TNRC6A: variants seen among roughly 807,000 people sequenced by gnomAD.
The protein encoded by TNRC6A is trinucleotide repeat containing adaptor 6A, also known as trinucleotide repeat-containing gene 6A protein.
A neutral mutation model predicts 221.2 loss-of-function variants in TNRC6A; 44 were observed. That is an observed-to-expected ratio of 0.20 (90% CI 0.16 to 0.26). The LOEUF is 0.26. TNRC6A is among the 10% of genes least tolerant of loss of function. TNRC6A has a pLI of 1.00. For missense variants in TNRC6A, 2,199 were observed against 2,404.4 expected (o/e 0.91, Z 1.79); for synonymous variants, 847 against 838.5 (o/e 1.01, Z -0.18).
chr16:24,742,447 G>A (rs1377641374), intron 2 of TNRC6A, among the ~76,000 whole-genome samples: 1 of 152,162 alleles, frequency 6.6e-6, no homozygotes, highest in Admixed American at 6.5e-5. Flanking sequence ...ATAAGAGTAA[G>A]AATTAAAAGA....
intron 5 of TNRC6A, among the ~76,000 whole-genome samples, chr16:24,779,722 G>A (rs1447183256): frequency 2.0e-5 from 3 of 152,146 alleles, no homozygotes; most frequent in South Asian, 2.1e-4. Context: ...TATAAACAGC[G>A]TGCACAGTAG....
chr16:24,658,912 G>A (rs2054972283), intron 2 of TNRC6A, among the ~76,000 whole-genome samples: 2 of 151,324 alleles, frequency 1.3e-5, no homozygotes, highest in African/African-American at 2.4e-5. Context: ...TTACTCAAGC[G>A]ATCCTCCCAC....
chr16:24,755,809 A>T (rs1284961757), intron 3 of TNRC6A, among the ~76,000 whole-genome samples: 1 of 152,056 alleles, frequency 6.6e-6, no homozygotes, highest in Non-Finnish European at 1.5e-5. Flanking sequence ...TTTTTTTTTT[A>T]AAGAATAATG....
intron 2 of TNRC6A, among the ~76,000 whole-genome samples, chr16:24,747,291 G>T (rs924829085): frequency 1.3e-5 from 2 of 152,242 alleles, no homozygotes; most frequent in Admixed American, 6.5e-5. Context: ...TCCCTCAGTG[G>T]CATTGACTTT....
intron 1 of TNRC6A, among the ~76,000 whole-genome samples, chr16:24,613,613 C>T (rs540330386): frequency 2.6e-5 from 4 of 151,778 alleles, no homozygotes; most frequent in East Asian, 1.9e-4. Context: ...CTGCAACCTC[C>T]GCCTCCCAGG....
chr16:24,781,189 G>C (rs577157299), intron 5 of TNRC6A, among the ~76,000 whole-genome samples: 1 of 151,696 alleles, frequency 6.6e-6, no homozygotes, highest in South Asian at 2.1e-4. Context: ...TCCCTGAGTA[G>C]CTGGGACTAC....
At chr16:24,655,427 G>A (rs2054889670) in intron 2 of TNRC6A, among the ~76,000 whole-genome samples, 1 of 152,190 alleles carries the variant, frequency 6.6e-6, no homozygotes, top group South Asian at 2.1e-4. Flanking sequence ...GGTGGCTCAT[G>A]CCTGTAATCC....
At chr16:24,693,033 C>A (rs2055786824) in intron 2 of TNRC6A, among the ~76,000 whole-genome samples, 1 of 152,060 alleles carries the variant, frequency 6.6e-6, no homozygotes, top group South Asian at 2.1e-4. Context: ...ATTTAATAAG[C>A]CGAATAATCC....
At chr16:24,819,347 TGTA>T in intron 21 of TNRC6A, among the ~76,000 whole-genome samples, 1 of 152,172 alleles carries the variant, frequency 6.6e-6, no homozygotes, top group Non-Finnish European at 1.5e-5. Context: ...TGGTTTACTG[TGTA>T]CCTGGTCCCT....
At chr16:24,723,069 C>T (rs1244648418) in intron 2 of TNRC6A, among the ~76,000 whole-genome samples, 1 of 152,094 alleles carries the variant, frequency 6.6e-6, no homozygotes, top group Non-Finnish European at 1.5e-5. Context: ...GACATGTCAG[C>T]CTGAAATACC....
chr16:24,729,895 G>A (rs1388914070), intron 1 of TNRC6A, 49 bp downstream of exon 1: 2 of 1,221,826 alleles, frequency 1.6e-6, no homozygotes, highest in African/African-American at 1.6e-5. Context: ...CGCGGGCGCT[G>A]CCGCAGGGCC....
intron 2 of TNRC6A, among the ~76,000 whole-genome samples, chr16:24,641,309 C>T (rs181858434): frequency 3.7e-3 from 563 of 152,272 alleles, no homozygotes; most frequent in Non-Finnish European, 6.6e-3. Flanking sequence ...TTCTGCGACC[C>T]ATGCTCTTTC....
chr16:24,821,975 A>G (rs2058774372), intron 22 of TNRC6A, 102 bp from the exon 23 acceptor site: 6 of 1,097,192 alleles, frequency 5.5e-6, no homozygotes, highest in South Asian at 2.6e-5. Flanking sequence ...GTAGAAGTGC[A>G]AGGAAGTGAA....
At chr16:24,705,552 G>A (rs925419235) in intron 2 of TNRC6A, among the ~76,000 whole-genome samples, 16 of 152,118 alleles carry the variant, frequency 1.1e-4, no homozygotes, top group Admixed American at 9.2e-4. Flanking sequence ...GGCTGGTCTC[G>A]AACTCCTGAC....
chr16:24,755,770 G>T (rs1211998313), intron 3 of TNRC6A, among the ~76,000 whole-genome samples: 3 of 152,196 alleles, frequency 2.0e-5, no homozygotes, highest in Non-Finnish European at 4.4e-5. Context: ...AGGCAGTTGT[G>T]ATCATTGCTG....
chr16:24,790,160 C>T lies in TNRC6A; in HGVS notation c.1518C>T (p.His506=). The change falls in exon 6 of 25, where the codon CAC becomes CAT. Residue 506 remains histidine, a synonymous_variant. Transcript: ENST00000395799. ...GTATGAATGGCACTTCCCTTTCTCACCTTAGCAATGGAGAGTCAAAAAGTG... is the reference window on the plus strand; with the variant it reads ...GTATGAATGGCACTTCCCTTTCTCATCTTAGCAATGGAGAGTCAAAAAGTG... The part of the protein sequence containing the change: ...PSGMNGTSLS[H]LSNGESKSGG... 1 of 1,614,202 alleles carries T rather than the reference C, an allele frequency of 6.2e-7. No individual in the cohort carries two copies. The highest frequency in any genetic ancestry group is 8.5e-7 in the Non-Finnish European group (1 of 1,180,030).
chr16:24,777,197 A>G lies in TNRC6A; in HGVS notation c.428A>G (p.Gln143Arg). 6.2e-7 allele frequency: 1 copy of G among 1,614,202 alleles called. No individual in the cohort carries two copies. The highest frequency in any genetic ancestry group is 1.1e-5 in the South Asian group (1 of 91,080). ...PREVPPRFRH[Q>R]EHKQLLKRGQ... ...GAAGTACCTCCACGATTTCGCCACC[A>G]GGAACACAAACAGCTTCTAAAGAGG... The change falls in exon 5 of 25, where the codon CAG (glutamine) becomes CGG (arginine). Residue 143 changes from glutamine (Q) to arginine (R), a missense_variant. Gln to Arg is a conservative substitution (Grantham distance 43). This residue lies in a region of TNRC6A where 1,405 missense variants were observed against 1,400.2 expected (regional missense o/e 1.00). Coordinates refer to ENST00000395799, the MANE Select transcript of TNRC6A (RefSeq NM_014494.4).
chr16:24,741,959 C>T (rs1359519081), intron 2 of TNRC6A, among the ~76,000 whole-genome samples: 1 of 152,098 alleles, frequency 6.6e-6, no homozygotes, highest in Non-Finnish European at 1.5e-5. Flanking sequence ...GCTTCAGCCT[C>T]CTGAGGAGCT....
chr16:24,658,993 G>C (rs1015982402), intron 2 of TNRC6A, among the ~76,000 whole-genome samples: 4 of 151,406 alleles, frequency 2.6e-5, no homozygotes, highest in Admixed American at 2.0e-4. Flanking sequence ...ATTTTTTGTA[G>C]AGTTGGAGTT....
Sources: allele counts gnomAD v4.1 joint callset (sites outside exome capture counted in the v4.1 genomes callset), GRCh38; gene constraint gnomAD v4.1.1; regional missense constraint gnomAD v4.1.1; transcripts MANE v1.5; gene names NCBI Gene and HGNC (gene_info 2026-07-23, HGNC 2026-07-21).